The following DBH variants were observed in gnomAD, a reference collection of about 807,000 sequenced individuals.
The protein encoded by DBH is dopamine beta-hydroxylase, also known as dopamine beta-hydroxylase (dopamine beta-monooxygenase).
In DBH, 49 loss-of-function variants were observed where a neutral mutation model predicts 64.0. The observed-to-expected ratio is 0.77, with a 90% CI of 0.61 to 0.97. The LOEUF (loss-of-function observed/expected upper bound fraction) is 0.97, where lower values mean the gene tolerates loss of function less well. DBH is among the 50% of genes least tolerant of loss of function. The pLI is 0.00. For synonymous variants in DBH, 343 were observed against 347.1 expected (o/e 0.99, Z 0.13); for missense variants, 828 against 826.6 (o/e 1.00, Z -0.02).
chr9:133,656,251 A>G, intron 9 of DBH: 1 of 445,738 alleles, frequency 2.2e-6, no homozygotes, highest in Non-Finnish European at 4.2e-6. Flanking sequence ...TGGGCACAAT[A>G]ACACCCCATC....
intron 2 of DBH, among the ~76,000 whole-genome samples, chr9:133,640,569 T>C (rs1288404795): frequency 6.6e-6 from 1 of 152,212 alleles, no homozygotes; most frequent in Admixed American, 6.5e-5. Context: ...CCCAACCTCT[T>C]AGGGAAAGCA....
intron 8 of DBH, 97 bp from the exon 9 acceptor site, chr9:133,652,843 G>A (rs556403504): frequency 1.2e-5 from 10 of 831,736 alleles, no homozygotes; most frequent in Middle Eastern, 3.1e-4. Context: ...CAGAGGTGCC[G>A]TGGCATGCAC....
chr9:133,653,691 G>A (rs987906112), intron 9 of DBH, among the ~76,000 whole-genome samples: 1 of 152,178 alleles, frequency 6.6e-6, no homozygotes. Context: ...CATTTTGGCT[G>A]GACTGCAGAC....
At position 133,636,732 on chromosome 9, in the gene DBH, G is replaced by A. The variant is rs369646691; in HGVS notation, c.339+22G>A. 8.2e-6 allele frequency: 13 copies of A among 1,593,366 alleles called. No homozygotes were observed. In the African/African-American group the frequency reaches 1.7e-4, roughly 21 times the overall value. ...TGCGGTGAGTCTCTCCTCCCTGCCAGCTCTCCAAACCCTTCCTGACCCGGC... is the reference window on the plus strand; with the variant it reads ...TGCGGTGAGTCTCTCCTCCCTGCCAACTCTCCAAACCCTTCCTGACCCGGC... On this transcript the variant is annotated intron_variant, in intron 1 of 11. Coordinates refer to ENST00000393056, the MANE Select transcript of DBH (RefSeq NM_000787.4).
In DBH at chr9:133,636,606, C is replaced by G. The variant is rs77273740; in HGVS notation, c.235C>G (p.Arg79Gly). ...QEAIHFQLLV[R>G]RLKAGVLFGM... ...GGCCATCCATTTCCAGCTCCTGGTGCGGAGGCTCAAGGCTGGCGTCCTGTT... is the reference window on the plus strand; with the variant it reads ...GGCCATCCATTTCCAGCTCCTGGTGGGGAGGCTCAAGGCTGGCGTCCTGTT... The change falls in exon 1 of 12, where the codon CGG (arginine) becomes GGG (glycine). Residue 79 changes from arginine (R) to glycine (G), a missense_variant. Physicochemically the swap from Arg to Gly is moderately radical, Grantham distance 125 (BLOSUM62 -2). Transcript: ENST00000393056. 3 of 1,613,540 alleles carry G rather than the reference C, an allele frequency of 1.9e-6. No homozygotes were observed. The highest frequency in any genetic ancestry group is 1.7e-5 in the Admixed American group (1 of 60,010).
Position 133,657,247 on chromosome 9 carries a change from CG to C in DBH, c.1722+21del. The C allele has an allele frequency of 6.2e-7, 1 of 1,613,192 alleles. No homozygotes were observed. Among genetic ancestry groups the C allele is most frequent in the Non-Finnish European group, 8.5e-7 (1 of 1,180,008 alleles). On this transcript the variant is annotated intron_variant, in intron 11 of 11. Coordinates refer to ENST00000393056, the MANE Select transcript of DBH (RefSeq NM_000787.4). ...GCTTCCAGGTGCGCTGCCATGGGCC[CG>C]GGTGGGGCATGCAGTCAGGCAGGCC...
At chr9:133,656,070 G>C (rs1333258037) in intron 9 of DBH, 1 of 303,684 alleles carries the variant, frequency 3.3e-6, no homozygotes, top group African/African-American at 2.2e-5. Flanking sequence ...GGGCTGCAGT[G>C]GAAAGGGCCT....
rs541433358 is a variant in DBH, at chr9:133,645,737, C to T, written c.1024+1417C>T. Among the ~76,000 whole-genome samples the T allele has an allele frequency of 7.2e-5, 11 of 152,280 alleles. No homozygotes were observed. In the East Asian group the frequency reaches 2.1e-3, roughly 29 times the overall value. On this transcript the variant is annotated intron_variant, in intron 5 of 11. Transcript: ENST00000393056. ...ACAAGTAGGGAGATGGTTGGGCCCC[C>T]TGGAAGTGCCCTGCACCCCAGTCCA... is the stretch of plus-strand genomic sequence containing the variant.
At position 133,636,598 on chromosome 9, in the gene DBH, T is replaced by C; in HGVS notation, c.227T>C (p.Leu76Pro). 2.5e-6 allele frequency: 4 copies of C among 1,613,770 alleles called. No individual in the cohort carries two copies. The highest frequency in any genetic ancestry group is 3.4e-6 in the Non-Finnish European group (4 of 1,180,010). Reference sequence around the variant, plus strand: ...ACCCAGGAGGCCATCCATTTCCAGCTCCTGGTGCGGAGGCTCAAGGCTGGC... The same window carrying C: ...ACCCAGGAGGCCATCCATTTCCAGCCCCTGGTGCGGAGGCTCAAGGCTGGC... ...SYTQEAIHFQ[L>P]LVRRLKAGVL... Residue 76 changes from leucine (L) to proline (P), a missense_variant, in exon 1 of 12, where the codon CTC (leucine) becomes CCC (proline). Leu to Pro is a moderately conservative substitution (Grantham distance 98). Coordinates refer to ENST00000393056, the MANE Select transcript of DBH (RefSeq NM_000787.4).
At chr9:133,650,088 A>T (rs1832226039) in intron 6 of DBH, among the ~76,000 whole-genome samples, 1 of 152,200 alleles carries the variant, frequency 6.6e-6, no homozygotes, top group Non-Finnish European at 1.5e-5. Context: ...GACACCTGGC[A>T]TCTCTGGGCC....
At chr9:133,642,897 C>T (rs921805629) in intron 3 of DBH, among the ~76,000 whole-genome samples, 2 of 152,092 alleles carry the variant, frequency 1.3e-5, no homozygotes, top group Admixed American at 6.5e-5. Flanking sequence ...GGGGGAGGGG[C>T]GAGGTGATCC....
intron 6 of DBH, among the ~76,000 whole-genome samples, chr9:133,650,778 C>T (rs1248903119): frequency 1.3e-5 from 2 of 152,020 alleles, no homozygotes; most frequent in African/African-American, 4.8e-5. Flanking sequence ...AAACTCCTTA[C>T]CTCAAATGAT....
At chr9:133,644,547 C>T (rs917993727) in intron 5 of DBH, among the ~76,000 whole-genome samples, 1 of 152,246 alleles carries the variant, frequency 6.6e-6, no homozygotes, top group Non-Finnish European at 1.5e-5. Flanking sequence ...CGCCAGGGCC[C>T]AGCAGTGGCC....
intron 5 of DBH, among the ~76,000 whole-genome samples, chr9:133,647,614 C>T (rs3025410): frequency 0.071 from 10,747 of 152,252 alleles, 1,275 homozygotes; most frequent in African/African-American, 0.24. Flanking sequence ...TCTTTCTTCC[C>T]AGTGAGTGTA....
intron 7 of DBH, 103 bp from the exon 8 acceptor site, chr9:133,652,143 C>T: frequency 7.3e-7 from 1 of 1,370,666 alleles, no homozygotes; most frequent in Non-Finnish European, 1.0e-6. Flanking sequence ...AATGGACACC[C>T]CCAGAGGTCA....
At position 133,656,552 on chromosome 9, in the gene DBH, T is replaced by C; in HGVS notation, c.1464T>C (p.Cys488=). Residue 488 remains cysteine (C), a synonymous_variant, in exon 10 of 12, where the codon TGT becomes TGC. Transcript: ENST00000393056. The stretch of plus-strand genomic sequence containing the variant: ...GCTTCGGGATCCTGGAGGAGATGTG[T>C]GTCAACTACGTGCACTACTACCCCC... ...VGGFGILEEM[C]VNYVHYYPQT... 2.5e-6 allele frequency: 4 copies of C among 1,613,968 alleles called. No individual in the cohort carries two copies. Among genetic ancestry groups the C allele is most frequent in the Non-Finnish European group, 3.4e-6 (4 of 1,180,014 alleles).
chr9:133,640,257 G>A (rs191940156), intron 2 of DBH, among the ~76,000 whole-genome samples: 2 of 152,314 alleles, frequency 1.3e-5, no homozygotes, highest in African/African-American at 4.8e-5. Context: ...CTAGATGCGG[G>A]GCTTGTGCTG....
At chr9:133,638,593 G>T (rs1403235115) in intron 1 of DBH, among the ~76,000 whole-genome samples, 1 of 152,114 alleles carries the variant, frequency 6.6e-6, no homozygotes, top group African/African-American at 2.4e-5. Context: ...GTGTTTTAGG[G>T]TTGGGGCAAT....
intron 9 of DBH, among the ~76,000 whole-genome samples, chr9:133,653,656 G>A (rs1832277954): frequency 6.6e-6 from 1 of 152,168 alleles, no homozygotes; most frequent in African/African-American, 2.4e-5. Context: ...TGGGGGTCAG[G>A]CAGGATGAGC....
Sources: allele counts gnomAD v4.1 joint callset (sites outside exome capture counted in the v4.1 genomes callset), GRCh38; gene constraint gnomAD v4.1.1; transcripts MANE v1.5; gene names NCBI Gene and HGNC (gene_info 2026-07-23, HGNC 2026-07-21).